Variants in BBS9 observed in about 807,000 individuals in gnomAD.
BBS9 encodes protein PTHB1.
In BBS9, 89 loss-of-function variants were observed where a neutral mutation model predicts 117.7. The observed-to-expected ratio is 0.76, with a 90% CI of 0.64 to 0.90. The LOEUF (loss-of-function observed/expected upper bound fraction) is 0.90, where lower values mean the gene tolerates loss of function less well. Among genes scored for constraint, BBS9 ranks in the 40% least tolerant of loss-of-function variants. The probability of loss-of-function intolerance (pLI) is 0.00; values close to 1 mark genes in which losing one functional copy is unlikely to be tolerated. For missense variants in BBS9, 982 were observed against 1,042.2 expected (o/e 0.94, Z 0.80); for synonymous variants, 379 against 370.9 (o/e 1.02, Z -0.25).
At chr7:33,358,135 C>T in intron 16 of BBS9, 140 bp downstream of exon 16, 1 of 1,070,138 alleles carries the variant, frequency 9.3e-7, no homozygotes, top group Non-Finnish European at 1.4e-6. Context: ...GGATTTTTCC[C>T]TCCTTTGCCT....
At chr7:33,273,750 A>G (rs1800232098) in intron 8 of BBS9, 77 bp from the exon 9 acceptor site, 5 of 1,375,518 alleles carry the variant, frequency 3.6e-6, no homozygotes, top group Non-Finnish European at 5.1e-6. Flanking sequence ...AGTTTGTGCT[A>G]TCAATTTCCT....
At position 33,589,856 on chromosome 7, in the gene BBS9, C is replaced by T. The variant is rs77147496; in HGVS notation, c.2522-15009C>T. Among the ~76,000 whole-genome samples, 6 of 151,990 alleles carry T rather than the reference C, an allele frequency of 3.9e-5. No individual in the cohort carries two copies. In the East Asian group the frequency reaches 1.2e-3, roughly 29 times the overall value. On this transcript the variant is annotated intron_variant, in intron 21 of 22. Transcript: ENST00000242067. ...CAGCATGAAAATGTTACTTTAAAGCCAGAAGACTGGATAAAGTCACCAAGG... is the reference window on the plus strand; with the variant it reads ...CAGCATGAAAATGTTACTTTAAAGCTAGAAGACTGGATAAAGTCACCAAGG...
chr7:33,141,483 A>G (rs978236014), intron 1 of BBS9, among the ~76,000 whole-genome samples: 2 of 152,184 alleles, frequency 1.3e-5, no homozygotes. Context: ...CTCTCACCTC[A>G]GACTCCTGAC....
intron 9 of BBS9, among the ~76,000 whole-genome samples, chr7:33,306,675 A>G (rs1458631805): frequency 6.6e-6 from 1 of 152,084 alleles, no homozygotes; most frequent in Non-Finnish European, 1.5e-5. Context: ...TTGTTTTGTA[A>G]GAGTAGACGT....
intron 19 of BBS9, among the ~76,000 whole-genome samples, chr7:33,462,458 A>G (rs1490681139): frequency 6.6e-6 from 1 of 152,144 alleles, no homozygotes. Flanking sequence ...ATTATTAGAT[A>G]TCAGAAATGT....
intron 21 of BBS9, among the ~76,000 whole-genome samples, chr7:33,627,999 A>G (rs1865721237): frequency 6.6e-6 from 1 of 152,160 alleles, no homozygotes; most frequent in South Asian, 2.1e-4. Context: ...CCAGCCTGGG[A>G]AACTGAATGA....
chr7:33,241,638 C>G (rs1306180356), intron 5 of BBS9, among the ~76,000 whole-genome samples: 2 of 151,970 alleles, frequency 1.3e-5, no homozygotes, highest in Non-Finnish European at 2.9e-5. Context: ...TTTGATGCAT[C>G]TTGGATTTTT....
intron 9 of BBS9, among the ~76,000 whole-genome samples, chr7:33,286,730 CAGA>C (rs1802976740): frequency 6.6e-6 from 1 of 152,054 alleles, no homozygotes; most frequent in South Asian, 2.1e-4. Context: ...AAGCTCTTTG[CAGA>C]AGTACTTTGA....
At chr7:33,429,096 A>C (rs13235844) in intron 19 of BBS9, among the ~76,000 whole-genome samples, 1 of 152,178 alleles carries the variant, frequency 6.6e-6, no homozygotes, top group Non-Finnish European at 1.5e-5. Flanking sequence ...AAACTTAGAC[A>C]CTGAGTGCTT....
In BBS9 at chr7:33,265,463, A is replaced by C. The variant is rs559637794; in HGVS notation, c.702+1089A>C. Among the ~76,000 whole-genome samples the C allele has an allele frequency of 6.6e-5, 10 of 152,266 alleles. No homozygotes were observed. The East Asian group carries it at 1.7e-3, about 26-fold the overall frequency. On this transcript the variant is annotated intron_variant, in intron 7 of 22. Coordinates refer to ENST00000242067, the MANE Select transcript of BBS9 (RefSeq NM_198428.3). ...AAGTCAAACAGGTCTTGAGAGCTTT[A>C]CTTTTTTTTTGAGCAAGTTACAGCA...
intron 4 of BBS9, among the ~76,000 whole-genome samples, chr7:33,156,327 G>A (rs1267293714): frequency 6.6e-6 from 1 of 152,106 alleles, no homozygotes; most frequent in Non-Finnish European, 1.5e-5. Context: ...TATTAGATAA[G>A]TTTAGTTCAA....
At chr7:33,608,235 C>G (rs1200881808), downstream of BBS9, among the ~76,000 whole-genome samples, 2 of 152,002 alleles carry the variant, frequency 1.3e-5, no homozygotes, top group Non-Finnish European at 2.9e-5. Context: ...TTTTTTATAA[C>G]TGCATAGTAT....
intron 1 of BBS9, among the ~76,000 whole-genome samples, chr7:33,132,676 A>G (rs1464295219): frequency 1.3e-5 from 2 of 152,190 alleles, no homozygotes; most frequent in Non-Finnish European, 2.9e-5. Context: ...AAAATGTTTT[A>G]TTACTATTGT....
chr7:33,544,539 T>C (rs1428292483), intron 21 of BBS9, among the ~76,000 whole-genome samples: 1 of 152,196 alleles, frequency 6.6e-6, no homozygotes, highest in African/African-American at 2.4e-5. Flanking sequence ...AGTCCTGTAA[T>C]GTGAACCGTC....
At chr7:33,493,514 G>A (rs980413911) in intron 19 of BBS9, among the ~76,000 whole-genome samples, 3 of 152,118 alleles carry the variant, frequency 2.0e-5, no homozygotes, top group Non-Finnish European at 2.9e-5. Flanking sequence ...ATGAAAGTAC[G>A]TCTCATACCT....
At chr7:33,445,927 G>A (rs1836925309) in intron 19 of BBS9, among the ~76,000 whole-genome samples, 1 of 152,126 alleles carries the variant, frequency 6.6e-6, no homozygotes, top group African/African-American at 2.4e-5. Context: ...CAGCCATGTG[G>A]AACTGTAAGT....
At chr7:33,611,732 G>T (rs1864883095) in intron 21 of BBS9, among the ~76,000 whole-genome samples, 2 of 128,188 alleles carry the variant, frequency 1.6e-5, no homozygotes, top group Admixed American at 8.3e-5. Flanking sequence ...TAATATTAAA[G>T]GATTATATTT....
rs554909955 is a variant in BBS9 at position 33,432,275 on chromosome 7, A to ATT, written c.2115+44145_2115+44146dup. Among the ~76,000 whole-genome samples, 107 of 141,874 alleles carry ATT rather than the reference A, an allele frequency of 7.5e-4. 2 individuals are homozygous for ATT. Among genetic ancestry groups the ATT allele is most frequent in the Admixed American group, 1.6e-3 (22 of 14,132 alleles). 93.1% of individuals were successfully genotyped at this position (141,874 alleles called of 152,430 possible). On this transcript the variant is annotated intron_variant, in intron 19 of 22. Transcript: ENST00000242067. ...AGGTGCCCGCCACCATGCCCGGCTA[A>ATT]TTTTTTTTTTTTTTTAGTAGAGACG...
intron 19 of BBS9, among the ~76,000 whole-genome samples, chr7:33,502,168 A>G (rs142438052): frequency 6.6e-6 from 1 of 152,126 alleles, no homozygotes; most frequent in Non-Finnish European, 1.5e-5. Context: ...TCGGCCTCCC[A>G]AAGTGCTGGG....
Sources: allele counts gnomAD v4.1 joint callset (sites outside exome capture counted in the v4.1 genomes callset), GRCh38; gene constraint gnomAD v4.1.1; transcripts MANE v1.5; gene names NCBI Gene and HGNC (gene_info 2026-07-23, HGNC 2026-07-21).